Variants in LPAR1 observed in about 807,000 individuals in gnomAD.
The protein encoded by LPAR1 is LPA receptor 1.
Under a neutral mutation model 23.8 loss-of-function variants are expected in LPAR1, and 5 were observed. The observed-to-expected ratio is 0.21, with a 90% CI of 0.11 to 0.44. LPAR1 has a LOEUF of 0.44. Among genes scored for constraint, LPAR1 ranks in the 20% least tolerant of loss-of-function variants. The pLI, the probability that LPAR1 is intolerant of heterozygous loss-of-function variation, is 0.99. For synonymous variants in LPAR1, 160 were observed against 164.7 expected, an observed-to-expected ratio of 0.97 and a Z score of 0.22; for missense variants, 311 against 482.8, an observed-to-expected ratio of 0.64 and a Z score of 3.33.
At chr9:110,925,914 GT>G (rs940852739) in intron 5 of LPAR1, among the ~76,000 whole-genome samples, 3 of 151,182 alleles carry the variant, frequency 2.0e-5, no homozygotes, top group African/African-American at 2.4e-5. Flanking sequence ...ATCAGAACTG[GT>G]TTTTTTTTGT....
chr9:111,016,064 C>A (rs527425063), intron 2 of LPAR1, among the ~76,000 whole-genome samples: 134 of 152,242 alleles, frequency 8.8e-4, no homozygotes, highest in Non-Finnish European at 1.6e-3. Flanking sequence ...TGCATATGCA[C>A]TTGGCTTTTC....
At chr9:110,968,232 G>A (rs1454160712) in intron 4 of LPAR1, among the ~76,000 whole-genome samples, 2 of 152,120 alleles carry the variant, frequency 1.3e-5, no homozygotes, top group African/African-American at 4.8e-5. Context: ...AGCACTTGCC[G>A]ATTTCTGCAG....
chr9:110,972,041 AC>A, intron 4 of LPAR1, 31 bp downstream of exon 4: 1 of 1,594,038 alleles, frequency 6.3e-7, no homozygotes, highest in South Asian at 1.1e-5. Context: ...ACTTACGATT[AC>A]CTCAGACCTC....
At chr9:110,926,606 T>C (rs1029638005) in intron 5 of LPAR1, among the ~76,000 whole-genome samples, 33 of 152,182 alleles carry the variant, frequency 2.2e-4, no homozygotes, top group Admixed American at 5.2e-4. Flanking sequence ...ATGTTTCAAA[T>C]ATTTTGAGAG....
rs1310353934 is a variant in LPAR1, at chr9:110,994,941, G to A, written c.-181-21383C>T. 4.6e-5 allele frequency among the ~76,000 whole-genome samples: 7 copies of A among 152,150 alleles called. No individual in the cohort carries two copies. The South Asian group carries it at 1.0e-3, about 23-fold the overall frequency. ...AGAAGTCTAGACCACAGTCAACAGCGCAGGCAGCATCGTACCACCAAGTTT... is the reference window on the plus strand; with the variant it reads ...AGAAGTCTAGACCACAGTCAACAGCACAGGCAGCATCGTACCACCAAGTTT... On this transcript the variant is annotated intron_variant, in intron 2 of 5. Coordinates refer to ENST00000683809, the MANE Select transcript of LPAR1 (RefSeq NM_001351411.2).
At chr9:110,905,237 A>C (rs769437819) in intron 5 of LPAR1, among the ~76,000 whole-genome samples, 4 of 152,224 alleles carry the variant, frequency 2.6e-5, no homozygotes, top group African/African-American at 7.2e-5. Flanking sequence ...CCAAGTCTGC[A>C]TAGGTGGCAA....
At chr9:111,003,875 T>C (rs184736640) in intron 2 of LPAR1, among the ~76,000 whole-genome samples, 15 of 152,282 alleles carry the variant, frequency 9.9e-5, no homozygotes, top group African/African-American at 3.4e-4. Flanking sequence ...GTAAAAATAA[T>C]TGGGCTCAGA....
At chr9:110,962,359 A>G (rs547254277) in intron 4 of LPAR1, among the ~76,000 whole-genome samples, 14 of 152,270 alleles carry the variant, frequency 9.2e-5, no homozygotes, top group Non-Finnish European at 1.8e-4. Flanking sequence ...ATCAACCACA[A>G]TTAAGGTAAT....
chr9:111,032,885 T>A (rs1388781103), intron 2 of LPAR1, among the ~76,000 whole-genome samples: 1 of 152,168 alleles, frequency 6.6e-6, no homozygotes, highest in East Asian at 1.9e-4. Flanking sequence ...ATCCCACCCA[T>A]GGCCAGGTAT....
chr9:110,879,677 T>A (rs1167088975), intron 5 of LPAR1, among the ~76,000 whole-genome samples: 1 of 152,172 alleles, frequency 6.6e-6, no homozygotes, highest in Non-Finnish European at 1.5e-5. Flanking sequence ...CTGGTCAGAT[T>A]TTCATTTAAG....
chr9:110,943,467 T>C (rs2095250035), intron 4 of LPAR1, among the ~76,000 whole-genome samples: 1 of 152,174 alleles, frequency 6.6e-6, no homozygotes, highest in Non-Finnish European at 1.5e-5. Context: ...ATCTAAAGTC[T>C]CTTTCCTTAT....
At chr9:110,957,987 C>T (rs527242677) in intron 4 of LPAR1, among the ~76,000 whole-genome samples, 2 of 152,036 alleles carry the variant, frequency 1.3e-5, no homozygotes, top group South Asian at 2.1e-4. Flanking sequence ...TCCAAAGCTA[C>T]AAAAATAAAA....
chr9:111,004,658 C>T (rs1054931318), intron 2 of LPAR1, among the ~76,000 whole-genome samples: 1 of 152,184 alleles, frequency 6.6e-6, no homozygotes, highest in South Asian at 2.1e-4. Context: ...TTTTCTCAAG[C>T]TTCTTTGCAG....
chr9:110,875,351 G>C lies in LPAR1; in HGVS notation c.*70C>G, dbSNP rs1429278819. ...CCTCTCTCACACCCCACCTTGCCCT[G>C]GCAATTGGGTAGGGGGAGGCTGTTT... On this transcript the variant is annotated 3_prime_UTR_variant, in exon 6 of 6. Coordinates refer to ENST00000683809, the MANE Select transcript of LPAR1 (RefSeq NM_001351411.2). The C allele has an allele frequency of 4.4e-6, 6 of 1,370,272 alleles. No individual in the cohort carries two copies. Among genetic ancestry groups the C allele is most frequent in the Middle Eastern group, 2.6e-4 (1 of 3,850 alleles). The allele number at this position is 1,370,272 out of a possible 1,614,324, so 84.9% of individuals were successfully genotyped here. A position where few individuals can be genotyped will look rare whatever the true frequency, so the allele number is the denominator to read the frequency against.
At chr9:110,998,559 T>TA (rs1419708194) in intron 2 of LPAR1, among the ~76,000 whole-genome samples, 1 of 152,204 alleles carries the variant, frequency 6.6e-6, no homozygotes, top group African/African-American at 2.4e-5. Flanking sequence ...ATGAAACTCC[T>TA]AAGAGCATGT....
At chr9:110,966,441 T>G (rs796472975) in intron 4 of LPAR1, among the ~76,000 whole-genome samples, 29 of 148,388 alleles carry the variant, frequency 2.0e-4, no homozygotes, top group African/African-American at 7.0e-4. Flanking sequence ...ATCACGACAT[T>G]GCACTCCAGC....
At chr9:110,985,421 TATCA>T (rs2096758879) in intron 2 of LPAR1, among the ~76,000 whole-genome samples, 1 of 85,722 alleles carries the variant, frequency 1.2e-5, no homozygotes. Context: ...TCTAAAAGTC[TATCA>T]TTTTTTCTAC....
chr9:110,993,142 T>C (rs914241717), intron 2 of LPAR1, among the ~76,000 whole-genome samples: 5 of 152,104 alleles, frequency 3.3e-5, no homozygotes, highest in African/African-American at 1.2e-4. Context: ...TTTTTTAATA[T>C]ACTTTAAGTT....
chr9:110,962,640 T>C (rs867618275), intron 4 of LPAR1, among the ~76,000 whole-genome samples: 2 of 152,204 alleles, frequency 1.3e-5, no homozygotes, highest in East Asian at 1.9e-4. Flanking sequence ...GAAACTAATA[T>C]GCTCCATGGC....
Sources: allele counts gnomAD v4.1 joint callset (sites outside exome capture counted in the v4.1 genomes callset), GRCh38; gene constraint gnomAD v4.1.1; transcripts MANE v1.5; gene names NCBI Gene and HGNC (gene_info 2026-07-23, HGNC 2026-07-21).